Variants in PRKCQ observed in about 807,000 individuals in gnomAD.
PRKCQ encodes protein kinase C theta type.
PRKCQ carries 41 observed loss-of-function variants against 91.2 expected under a neutral mutation model. That is an observed-to-expected ratio of 0.45 (90% CI 0.35 to 0.58). PRKCQ has a LOEUF of 0.58. Among genes scored for constraint, PRKCQ ranks in the 20% least tolerant of loss-of-function variants. The probability of loss-of-function intolerance (pLI) is 0.00; values close to 1 mark genes in which losing one functional copy is unlikely to be tolerated. For synonymous variants in PRKCQ, 307 were observed against 316.9 expected (o/e 0.97, Z 0.33); for missense variants, 673 against 896.5 (o/e 0.75, Z 3.18).
At chr10:6,404,255 G>GGGGGGGGGA in the PRKCQ span, among the ~76,000 whole-genome samples, 1 of 34,362 alleles carries the variant, frequency 2.9e-5, no homozygotes, top group Non-Finnish European at 6.1e-5. Context: ...GAAGGGGGGG[G>GGGGGGGGGA]GAGAGAGAGA....
chr10:6,451,485 T>A (rs1437286542), intron 15 of PRKCQ, among the ~76,000 whole-genome samples: 1 of 152,210 alleles, frequency 6.6e-6, no homozygotes, highest in Non-Finnish European at 1.5e-5. Context: ...CACAGCCGAA[T>A]TCTACCAGAG....
At chr10:6,428,846 C>T (rs1408291913) in intron 17 of PRKCQ, among the ~76,000 whole-genome samples, 3 of 152,144 alleles carry the variant, frequency 2.0e-5, no homozygotes, top group Non-Finnish European at 4.4e-5. Context: ...TGTTGTCAGT[C>T]CCCTGCCCTT....
At chr10:6,417,392 C>CA in the PRKCQ span, among the ~76,000 whole-genome samples, 1 of 152,112 alleles carries the variant, frequency 6.6e-6, no homozygotes, top group African/African-American at 2.4e-5. Flanking sequence ...AAACCAAAAA[C>CA]AAAAAACAAT....
chr10:6,526,439 G>A (rs1362915498), intron 1 of PRKCQ, among the ~76,000 whole-genome samples: 2 of 152,030 alleles, frequency 1.3e-5, no homozygotes, highest in South Asian at 4.2e-4. Context: ...TACACCAGGT[G>A]ACTCCCATGA....
At chr10:6,561,722 C>T (rs1840640424) in intron 1 of PRKCQ, among the ~76,000 whole-genome samples, 1 of 152,188 alleles carries the variant, frequency 6.6e-6, no homozygotes, top group Non-Finnish European at 1.5e-5. Flanking sequence ...TTAATCTGGC[C>T]ACCATTCTCG....
intron 15 of PRKCQ, among the ~76,000 whole-genome samples, chr10:6,446,607 C>A (rs555970357): frequency 6.6e-6 from 1 of 151,992 alleles, no homozygotes; most frequent in Non-Finnish European, 1.5e-5. Context: ...CTCAGGTGAT[C>A]CGCCTACCTC....
chr10:6,515,705 C>T (rs1007199476), intron 1 of PRKCQ, among the ~76,000 whole-genome samples: 1 of 152,234 alleles, frequency 6.6e-6, no homozygotes, highest in African/African-American at 2.4e-5. Flanking sequence ...CACACACACA[C>T]ACTCTAAGCC....
At chr10:6,498,305 C>T (rs1837725668) in intron 5 of PRKCQ, 91 bp downstream of exon 5, 1 of 1,486,658 alleles carries the variant, frequency 6.7e-7, no homozygotes, top group Non-Finnish European at 9.3e-7. Flanking sequence ...CCAGCACACC[C>T]CCCACAGTGG....
In PRKCQ at chr10:6,576,125, A is replaced by G. The variant is rs936106425; in HGVS notation, c.-10+4086T>C. On this transcript the variant is annotated intron_variant, in intron 1 of 17. Transcript: ENST00000263125. This position sits in a 1 kb window ranked among gnomAD's most constrained non-coding sequence, Gnocchi z 4.2. ...CACTGGTGGGAATGTAAAACGGTCC[A>G]GCCACTGTGGAAAACAATATGGCAG... Among the ~76,000 whole-genome samples the G allele has an allele frequency of 6.6e-6, 1 of 152,204 alleles. No individual in the cohort carries two copies. The highest frequency in any genetic ancestry group is 1.5e-5 in the Non-Finnish European group (1 of 68,026).
chr10:6,557,369 T>C (rs1840462181), intron 1 of PRKCQ, among the ~76,000 whole-genome samples: 1 of 152,200 alleles, frequency 6.6e-6, no homozygotes, highest in African/African-American at 2.4e-5. Flanking sequence ...CCTTTCTCTA[T>C]ACCAAATGTA....
At chr10:6,412,554 T>C in the PRKCQ span, among the ~76,000 whole-genome samples, 4 of 152,146 alleles carry the variant, frequency 2.6e-5, no homozygotes, top group Admixed American at 6.5e-5. Flanking sequence ...AACAGCTCAA[T>C]AGATCATAAC....
chr10:6,560,761 C>T (rs958416550), intron 1 of PRKCQ, among the ~76,000 whole-genome samples: 1 of 152,078 alleles, frequency 6.6e-6, no homozygotes, highest in Non-Finnish European at 1.5e-5. Flanking sequence ...CTTTTGAGGC[C>T]AGGCGCGGTG....
At chr10:6,480,428 C>T (rs191912843) in intron 11 of PRKCQ, among the ~76,000 whole-genome samples, 1 of 152,300 alleles carries the variant, frequency 6.6e-6, no homozygotes, top group Admixed American at 6.5e-5. Context: ...CACCAGATGG[C>T]ATATGATGGA....
intron 1 of PRKCQ, among the ~76,000 whole-genome samples, chr10:6,526,558 G>A (rs1229900809): frequency 6.6e-6 from 1 of 152,150 alleles, no homozygotes; most frequent in Admixed American, 6.5e-5. Context: ...AGACCTGCAC[G>A]AGGAGAGGAC....
At chr10:6,467,425 G>T (rs1835745904) in intron 12 of PRKCQ, among the ~76,000 whole-genome samples, 6 of 117,150 alleles carry the variant, frequency 5.1e-5, no homozygotes, top group African/African-American at 1.8e-4. Flanking sequence ...GAGAGAGAGA[G>T]AGAGAGATGG....
chr10:6,408,127 T>C, the PRKCQ span, among the ~76,000 whole-genome samples: 1 of 150,904 alleles, frequency 6.6e-6, no homozygotes. Flanking sequence ...GATTCACTGA[T>C]GTCTTTTAAG....
chr10:6,400,049 A>C, the PRKCQ span, among the ~76,000 whole-genome samples: 1 of 152,230 alleles, frequency 6.6e-6, no homozygotes, highest in African/African-American at 2.4e-5. Flanking sequence ...GCACGTCAGA[A>C]CTGAAAGAGA....
At chr10:6,526,332 T>C (rs145941097) in intron 1 of PRKCQ, among the ~76,000 whole-genome samples, 142 of 152,288 alleles carry the variant, frequency 9.3e-4, no homozygotes, top group African/African-American at 3.3e-3. Context: ...CTAAGTGTCT[T>C]AGGACACTGC....
chr10:6,441,744 T>G (rs1034386892), intron 16 of PRKCQ, 149 bp downstream of exon 16: 2 of 759,294 alleles, frequency 2.6e-6, no homozygotes, highest in Admixed American at 3.1e-5. Context: ...GGTGCCTCTA[T>G]TAAAACACAG....
Sources: gnomAD v4.1 joint callset for allele counts (sites outside exome capture counted in the v4.1 genomes callset) on GRCh38, gnomAD v4.1.1 for gene constraint, Gnocchi (gnomAD v3.1) non-coding constraint, MANE v1.5 for transcripts, NCBI Gene and HGNC (gene_info 2026-07-23, HGNC 2026-07-21) for gene names.